The following DCLK2 variants were observed in gnomAD, a reference collection of about 807,000 sequenced individuals.
The protein encoded by DCLK2 is serine/threonine-protein kinase DCLK2.
DCLK2 carries 31 observed loss-of-function variants against 78.4 expected under a neutral mutation model. That is an observed-to-expected ratio of 0.40 (90% confidence interval 0.30 to 0.53). The LOEUF (loss-of-function observed/expected upper bound fraction) is 0.53, where lower values mean the gene tolerates loss of function less well. Ranked by LOEUF, DCLK2 falls within the 20% of genes least tolerant of loss-of-function variation. The pLI, the probability that DCLK2 is intolerant of heterozygous loss-of-function variation, is 0.61. For missense variants in DCLK2, 872 were observed against 973.7 expected (o/e 0.90, Z 1.39); for synonymous variants, 407 against 374.9 (o/e 1.09, Z -0.99).
At chr4:150,166,505 C>CA (rs143986536) in intron 2 of DCLK2, among the ~76,000 whole-genome samples, 1,914 of 152,030 alleles carry the variant, frequency 0.013, 44 homozygotes, top group African/African-American at 0.044. Flanking sequence ...AAAAAAAGTA[C>CA]AAAAAACAAA....
At chr4:150,243,085 G>A (rs1027633044) in intron 12 of DCLK2, among the ~76,000 whole-genome samples, 2 of 152,178 alleles carry the variant, frequency 1.3e-5, no homozygotes, top group African/African-American at 2.4e-5. Context: ...GCAGTTGCTG[G>A]TGCAGCCTGA....
At chr4:150,216,758 G>A (rs956430886) in intron 5 of DCLK2, among the ~76,000 whole-genome samples, 2 of 152,156 alleles carry the variant, frequency 1.3e-5, no homozygotes, top group Non-Finnish European at 2.9e-5. Flanking sequence ...CCAGATCCCA[G>A]AGAAGACACT....
chr4:150,156,221 A>G (rs1316603705), intron 2 of DCLK2, among the ~76,000 whole-genome samples: 1 of 152,062 alleles, frequency 6.6e-6, no homozygotes, highest in African/African-American at 2.4e-5. Flanking sequence ...AAATATCTAA[A>G]TGTTATTATA....
At chr4:150,136,796 G>T (rs1733716983) in intron 2 of DCLK2, among the ~76,000 whole-genome samples, 2 of 152,064 alleles carry the variant, frequency 1.3e-5, no homozygotes, top group African/African-American at 4.8e-5. Flanking sequence ...TACCCTAGCA[G>T]CAGAGTTACA....
intron 1 of DCLK2, among the ~76,000 whole-genome samples, chr4:150,092,178 A>G (rs1730129200): frequency 6.6e-6 from 1 of 152,088 alleles, no homozygotes; most frequent in Admixed American, 6.5e-5. Flanking sequence ...CATTGTATGT[A>G]TATACCACAT....
intron 2 of DCLK2, among the ~76,000 whole-genome samples, chr4:150,180,684 A>G (rs1367199565): frequency 2.0e-5 from 3 of 152,190 alleles, no homozygotes; most frequent in Admixed American, 2.0e-4. Flanking sequence ...CCTGAGAAGC[A>G]GAGTCTCTCT....
At chr4:150,197,845 A>T (rs1739167926) in intron 3 of DCLK2, among the ~76,000 whole-genome samples, 157 bp from the exon 4 acceptor site, 1 of 152,052 alleles carries the variant, frequency 6.6e-6, no homozygotes, top group Non-Finnish European at 1.5e-5. Flanking sequence ...AGGTAAACTC[A>T]GGTGTACTTT....
intron 1 of DCLK2, among the ~76,000 whole-genome samples, chr4:150,099,101 A>G (rs149863530): frequency 6.6e-6 from 1 of 152,240 alleles, no homozygotes; most frequent in Non-Finnish European, 1.5e-5. Flanking sequence ...TGGGAGACCT[A>G]CAAGTTGGCA....
At chr4:150,122,134 A>G (rs1732594498) in intron 2 of DCLK2, among the ~76,000 whole-genome samples, 1 of 152,338 alleles carries the variant, frequency 6.6e-6, no homozygotes, top group South Asian at 2.1e-4. Context: ...TAGCCACAGT[A>G]GAACTTCTTT....
At chr4:150,175,193 A>ATATATATT (rs1736970605) in intron 2 of DCLK2, among the ~76,000 whole-genome samples, 1 of 63,578 alleles carries the variant, frequency 1.6e-5, no homozygotes, top group African/African-American at 8.8e-5. Context: ...TTTATAATTT[A>ATATATATT]TCTATATATA....
At chr4:150,188,828 C>T (rs1033462538) in intron 2 of DCLK2, among the ~76,000 whole-genome samples, 1 of 150,128 alleles carries the variant, frequency 6.7e-6, no homozygotes, top group Non-Finnish European at 1.5e-5. Flanking sequence ...TGGCGTGAAC[C>T]TGGGAGGCAG....
rs753745800 is a variant in DCLK2 at position 150,199,051 on chromosome 4, A to G, written c.961+948A>G. 3 of 1,596,614 alleles carry G rather than the reference A, an allele frequency of 1.9e-6. No homozygotes were observed. In the South Asian group the frequency reaches 3.3e-5, roughly 18 times the overall value. ...AGTAAAGCGGGGTGGCCACTACTCC[A>G]GTGCCTATTCTACAGCCAAATCCCC... is the stretch of plus-strand genomic sequence containing the variant. On this transcript the variant is annotated intron_variant, in intron 4 of 15. Coordinates refer to ENST00000296550, the MANE Select transcript of DCLK2 (RefSeq NM_001040260.4).
At chr4:150,138,596 G>C (rs1301459269) in intron 2 of DCLK2, among the ~76,000 whole-genome samples, 1 of 152,198 alleles carries the variant, frequency 6.6e-6, no homozygotes, top group Non-Finnish European at 1.5e-5. Context: ...GCCAGGCACT[G>C]TGCCAAGTTA....
chr4:150,253,433 A>G, intron 15 of DCLK2: 1 of 1,289,688 alleles, frequency 7.8e-7, no homozygotes, highest in Non-Finnish European at 1.0e-6. Context: ...AAGGTGAAAA[A>G]AAAGTAAAGT....
chr4:150,098,408 T>C (rs1450271515), intron 1 of DCLK2, among the ~76,000 whole-genome samples: 1 of 152,242 alleles, frequency 6.6e-6, no homozygotes, highest in Non-Finnish European at 1.5e-5. Flanking sequence ...CAGACCAGCT[T>C]GTAATAACAT....
At chr4:150,232,052 T>C (rs563461625) in intron 8 of DCLK2, among the ~76,000 whole-genome samples, 8 of 152,132 alleles carry the variant, frequency 5.3e-5, no homozygotes, top group Non-Finnish European at 1.0e-4. Flanking sequence ...GTGTTAGAAA[T>C]AATGACAAGC....
intron 8 of DCLK2, among the ~76,000 whole-genome samples, chr4:150,228,041 T>C (rs985724798): frequency 6.6e-6 from 1 of 152,168 alleles, no homozygotes; most frequent in Non-Finnish European, 1.5e-5. Context: ...GCAGTATTCT[T>C]GGGTTGTGAT....
intron 2 of DCLK2, among the ~76,000 whole-genome samples, chr4:150,149,631 T>G (rs1734747395): frequency 6.6e-6 from 1 of 152,262 alleles, no homozygotes; most frequent in African/African-American, 2.4e-5. Flanking sequence ...TAACATTTTG[T>G]GAAGACTAAC....
intron 12 of DCLK2, among the ~76,000 whole-genome samples, chr4:150,243,887 A>G (rs1743104702): frequency 7.1e-6 from 1 of 140,166 alleles, no homozygotes; most frequent in South Asian, 2.2e-4. Context: ...TTTTTTTGGT[A>G]GAGATAGGGT....
Sources: allele counts gnomAD v4.1 joint callset (sites outside exome capture counted in the v4.1 genomes callset), GRCh38; gene constraint gnomAD v4.1.1; transcripts MANE v1.5; gene names NCBI Gene and HGNC (gene_info 2026-07-23, HGNC 2026-07-21).